Variants in LTBP1 observed in about 807,000 individuals in gnomAD.
LTBP1 encodes latent transforming growth factor beta binding protein 1, also known as latent-transforming growth factor beta-binding protein 1.
A neutral mutation model predicts 207.6 loss-of-function variants in LTBP1; 129 were observed. That is an observed-to-expected ratio of 0.62 (90% confidence interval 0.54 to 0.72). The LOEUF (loss-of-function observed/expected upper bound fraction) is 0.72, where lower values mean the gene tolerates loss of function less well. Ranked by LOEUF, LTBP1 falls within the 30% of genes least tolerant of loss-of-function variation. The pLI, the probability that LTBP1 is intolerant of heterozygous loss-of-function variation, is 0.00. For synonymous variants in LTBP1, 963 were observed against 833.7 expected (o/e 1.16, Z -2.67); for missense variants, 2,281 against 2,217.2 (o/e 1.03, Z -0.58).
chr2:33,280,969 G>T (rs1243288479), intron 19 of LTBP1, among the ~76,000 whole-genome samples: 1 of 152,152 alleles, frequency 6.6e-6, no homozygotes, highest in African/African-American at 2.4e-5. Flanking sequence ...CTACTTGAAG[G>T]CTGAGGTGGG....
rs35334788 is a variant in LTBP1, at chr2:33,087,084, C to CTTTTTTTTTTTTTTT, written c.864-23488_864-23474dup. On this transcript the variant is annotated intron_variant, in intron 3 of 33. Transcript: ENST00000404816. ...AGCACCAGGCTGTCCCTCCTTTATG[C>CTTTTTTTTTTTTTTT]TTTTTTTTTTTTTTTTTTTTTTTTG... Among the ~76,000 whole-genome samples, 135 of 88,950 alleles carry CTTTTTTTTTTTTTTT rather than the reference C, an allele frequency of 1.5e-3. 11 individuals are homozygous for CTTTTTTTTTTTTTTT. The highest frequency in any genetic ancestry group is 7.5e-3 in the Middle Eastern group (1 of 134). The allele number at this position is 88,950 out of a possible 152,430, so 58.4% of individuals were successfully genotyped here. A position where few individuals can be genotyped will look rare whatever the true frequency, so the allele number is the denominator to read the frequency against.
At chr2:33,186,358 G>A (rs973163862) in intron 5 of LTBP1, among the ~76,000 whole-genome samples, 3 of 152,180 alleles carry the variant, frequency 2.0e-5, no homozygotes, top group Non-Finnish European at 4.4e-5. Context: ...CATGGAGAAT[G>A]AGGTGAGCAA....
intron 10 of LTBP1, among the ~76,000 whole-genome samples, chr2:33,249,195 A>G (rs1416610794): frequency 6.6e-6 from 1 of 152,130 alleles, no homozygotes; most frequent in Non-Finnish European, 1.5e-5. Flanking sequence ...TACCAGATTA[A>G]TTAATATCTG....
intron 2 of LTBP1, among the ~76,000 whole-genome samples, chr2:32,999,029 C>G (rs1685710602): frequency 6.6e-6 from 1 of 152,164 alleles, no homozygotes; most frequent in South Asian, 2.1e-4. Context: ...AGGCCCCACC[C>G]AGACTTACTA....
chr2:33,160,384 A>T (rs186286894), intron 5 of LTBP1, among the ~76,000 whole-genome samples: 1 of 152,266 alleles, frequency 6.6e-6, no homozygotes, highest in Non-Finnish European at 1.5e-5. Context: ...CAGGTCATTC[A>T]TGTGGTTAGA....
chr2:33,184,266 C>A (rs1398552234), intron 5 of LTBP1, among the ~76,000 whole-genome samples: 1 of 152,130 alleles, frequency 6.6e-6, no homozygotes, highest in Non-Finnish European at 1.5e-5. Flanking sequence ...CTTGAAGCCT[C>A]CAAAATAACT....
intron 2 of LTBP1, among the ~76,000 whole-genome samples, chr2:32,989,315 C>T (rs1684059054): frequency 6.6e-6 from 1 of 152,108 alleles, no homozygotes; most frequent in Non-Finnish European, 1.5e-5. Flanking sequence ...TGGGTTTATC[C>T]ATAGGGCAAT....
chr2:32,977,526 GT>G (rs1273568646), intron 2 of LTBP1, among the ~76,000 whole-genome samples: 3 of 152,206 alleles, frequency 2.0e-5, no homozygotes, highest in Non-Finnish European at 4.4e-5. Flanking sequence ...ACTGGTGCCA[GT>G]TTTTTCTGGG....
At chr2:33,035,867 C>G (rs1017540471) in intron 3 of LTBP1, among the ~76,000 whole-genome samples, 12 of 152,202 alleles carry the variant, frequency 7.9e-5, no homozygotes, top group African/African-American at 2.4e-4. Flanking sequence ...GTTGTACCCA[C>G]TACGTAGCTG....
At chr2:33,355,702 C>T (rs78215374) in intron 26 of LTBP1, among the ~76,000 whole-genome samples, 4,273 of 152,050 alleles carry the variant, frequency 0.028, 197 homozygotes, top group East Asian at 0.19. Context: ...TTTTTCTTCT[C>T]CTCACCCTCT....
chr2:33,131,762 G>C (rs181249644), intron 4 of LTBP1, among the ~76,000 whole-genome samples: 7 of 152,290 alleles, frequency 4.6e-5, no homozygotes, highest in African/African-American at 1.4e-4. Flanking sequence ...AAGAAGATGT[G>C]AACATTGTAA....
chr2:33,021,323 GT>G, intron 3 of LTBP1, 117 bp downstream of exon 3: 1 of 986,026 alleles, frequency 1.0e-6, no homozygotes, highest in Non-Finnish European at 1.5e-6. Flanking sequence ...GGATAATAAT[GT>G]TTTTCTTTCC....
intron 26 of LTBP1, among the ~76,000 whole-genome samples, chr2:33,350,997 A>G (rs900728869): frequency 2.0e-5 from 3 of 152,188 alleles, no homozygotes; most frequent in African/African-American, 7.2e-5. Context: ...TATATATATT[A>G]TAATCCATAC....
intron 4 of LTBP1, among the ~76,000 whole-genome samples, chr2:33,124,645 G>A (rs2081333713): frequency 6.6e-6 from 1 of 152,194 alleles, no homozygotes; most frequent in Admixed American, 6.5e-5. Context: ...TTTAGAAGTG[G>A]TTATAGATTT....
At chr2:33,150,251 A>G (rs879276844) in intron 5 of LTBP1, among the ~76,000 whole-genome samples, 1 of 151,952 alleles carries the variant, frequency 6.6e-6, no homozygotes, top group Non-Finnish European at 1.5e-5. Flanking sequence ...TTTCACAGTT[A>G]TTTCTTTTGT....
At chr2:33,163,144 G>A (rs540156357) in intron 5 of LTBP1, among the ~76,000 whole-genome samples, 1 of 152,136 alleles carries the variant, frequency 6.6e-6, no homozygotes, top group Non-Finnish European at 1.5e-5. Context: ...ACCACGCCTG[G>A]CTAATTGTAT....
intron 2 of LTBP1, among the ~76,000 whole-genome samples, chr2:33,009,762 G>A (rs1298617030): frequency 3.3e-5 from 5 of 152,150 alleles, no homozygotes; most frequent in Admixed American, 1.3e-4. Flanking sequence ...GTGAATGGCC[G>A]TCCCTTTTAA....
In LTBP1 at chr2:33,363,441, G is replaced by A; in HGVS notation, c.4322G>A (p.Cys1441Tyr). ...CAAGAAATCTGCAAAAATGGTTTCT[G>A]TTTGAACACTCGGCCTGGGTATGAA... ...FGQEICKNGF[C>Y]LNTRPGYECY... is the part of the protein sequence containing the mutation. The change falls in exon 29 of 34, where the codon TGT becomes TAT. Residue 1441 changes from cysteine (C) to tyrosine (Y), a missense_variant. Physicochemically the swap from Cys to Tyr is radical, Grantham distance 194. This residue lies in a region of LTBP1 where 1,671 missense variants were observed against 1,634.8 expected (regional missense o/e 1.02). Transcript: ENST00000404816. The A allele has an allele frequency of 6.2e-7, 1 of 1,613,926 alleles. No individual in the cohort carries two copies. Among genetic ancestry groups the A allele is most frequent in the Non-Finnish European group, 8.5e-7 (1 of 1,179,848 alleles).
intron 5 of LTBP1, among the ~76,000 whole-genome samples, chr2:33,168,488 A>G (rs2085132863): frequency 6.6e-6 from 1 of 152,176 alleles, no homozygotes; most frequent in Non-Finnish European, 1.5e-5. Context: ...TCAGATTATA[A>G]AAATGAAACT....
Sources: gnomAD v4.1 joint callset for allele counts (sites outside exome capture counted in the v4.1 genomes callset) on GRCh38, gnomAD v4.1.1 for gene constraint, gnomAD v4.1.1 regional missense constraint, MANE v1.5 for transcripts, NCBI Gene and HGNC (gene_info 2026-07-23, HGNC 2026-07-21) for gene names.